FAM168A: variants seen among roughly 807,000 people sequenced by gnomAD.
FAM168A encodes the protein family with sequence similarity 168 member A.
Under a neutral mutation model 28.5 loss-of-function variants are expected in FAM168A, and 3 were observed. That is an observed-to-expected ratio of 0.11 (90% CI 0.05 to 0.27). The LOEUF (loss-of-function observed/expected upper bound fraction) is 0.27, where lower values mean the gene tolerates loss of function less well. Ranked by LOEUF, FAM168A falls within the 10% of genes least tolerant of loss-of-function variation. The pLI, the probability that FAM168A is intolerant of heterozygous loss-of-function variation, is 1.00. For synonymous variants in FAM168A, 122 were observed against 124.2 expected (o/e 0.98, Z 0.12); for missense variants, 222 against 311.5 (o/e 0.71, Z 2.16).
chr11:73,420,055 A>G (rs181487735), intron 3 of FAM168A, 56 bp from the exon 4 acceptor site: 2 of 1,597,908 alleles, frequency 1.3e-6, no homozygotes, highest in African/African-American at 1.3e-5. Context: ...GCCACCACCA[A>G]TCACAGACAC....
intron 1 of FAM168A, among the ~76,000 whole-genome samples, chr11:73,496,666 T>C (rs1854884005): frequency 6.6e-6 from 1 of 152,192 alleles, no homozygotes; most frequent in South Asian, 2.1e-4. Context: ...GTTCACGCCA[T>C]TCTCCTGCCT....
intron 1 of FAM168A, among the ~76,000 whole-genome samples, chr11:73,512,443 T>G (rs941224040): frequency 1.3e-5 from 2 of 152,094 alleles, no homozygotes; most frequent in African/African-American, 4.8e-5. Context: ...GGTACAAAGT[T>G]TATTTTGAGG....
At chr11:73,551,966 T>C (rs1943834727) in intron 1 of FAM168A, among the ~76,000 whole-genome samples, 1 of 152,218 alleles carries the variant, frequency 6.6e-6, no homozygotes, top group Non-Finnish European at 1.5e-5. Context: ...TAGTCTGCCC[T>C]GGAGAGAAAG....
chr11:73,465,672 C>A (rs900369804), intron 2 of FAM168A, among the ~76,000 whole-genome samples: 2 of 108,398 alleles, frequency 1.8e-5, no homozygotes, highest in Non-Finnish European at 3.6e-5. Flanking sequence ...CTCATGACCT[C>A]ATCTAAACCT....
At chr11:73,531,042 T>C (rs1466747993) in intron 1 of FAM168A, among the ~76,000 whole-genome samples, 1 of 152,110 alleles carries the variant, frequency 6.6e-6, no homozygotes, top group African/African-American at 2.4e-5. Flanking sequence ...TACTATCTAG[T>C]AGAGGAGACA....
At chr11:73,589,036 C>T (rs1944349727) in intron 1 of FAM168A, among the ~76,000 whole-genome samples, 1 of 152,176 alleles carries the variant, frequency 6.6e-6, no homozygotes, top group African/African-American at 2.4e-5. Flanking sequence ...TGCTGGAACA[C>T]TGATCTTGGA....
At chr11:73,442,363 T>A (rs1867213000) in intron 2 of FAM168A, among the ~76,000 whole-genome samples, 1 of 152,076 alleles carries the variant, frequency 6.6e-6, no homozygotes, top group Non-Finnish European at 1.5e-5. Context: ...CCTGACCTCA[T>A]GATCCGTCTG....
chr11:73,442,309 G>A (rs1867211700), intron 2 of FAM168A, among the ~76,000 whole-genome samples: 1 of 151,926 alleles, frequency 6.6e-6, no homozygotes, highest in Non-Finnish European at 1.5e-5. Context: ...GTATTTTTTA[G>A]TAGAGATGGG....
At chr11:73,494,450 A>C (rs1466997485) in intron 1 of FAM168A, among the ~76,000 whole-genome samples, 1 of 152,208 alleles carries the variant, frequency 6.6e-6, no homozygotes, top group Non-Finnish European at 1.5e-5. Flanking sequence ...GAACTGTTAC[A>C]TTCCAAGCGG....
chr11:73,576,873 T>C (rs1944183233), intron 1 of FAM168A, among the ~76,000 whole-genome samples: 1 of 150,866 alleles, frequency 6.6e-6, no homozygotes, highest in South Asian at 2.1e-4. Flanking sequence ...GCTCTCACAA[T>C]ACAAAGTATC....
chr11:73,557,305 A>T (rs2134699756), intron 1 of FAM168A, among the ~76,000 whole-genome samples: 1 of 152,274 alleles, frequency 6.6e-6, no homozygotes, highest in South Asian at 2.1e-4. Context: ...CATGGAGACA[A>T]AGTTGAATGG....
intron 1 of FAM168A, among the ~76,000 whole-genome samples, chr11:73,517,054 T>C (rs188263714): frequency 6.6e-6 from 1 of 152,244 alleles, no homozygotes; most frequent in Admixed American, 6.5e-5. Context: ...TAACCAAAAA[T>C]TTGTAGCTGT....
intron 2 of FAM168A, among the ~76,000 whole-genome samples, chr11:73,450,417 G>A (rs1291565179): frequency 6.6e-6 from 1 of 152,208 alleles, no homozygotes; most frequent in African/African-American, 2.4e-5. Context: ...TTCTGATTCT[G>A]TAAGTCTGAA....
chr11:73,544,663 A>T (rs549846379), intron 1 of FAM168A, among the ~76,000 whole-genome samples: 31 of 128,996 alleles, frequency 2.4e-4, no homozygotes, highest in African/African-American at 8.4e-4. Context: ...AATTACATAT[A>T]TTATATATAA....
At chr11:73,583,310 AAAAC>A (rs974816949) in intron 1 of FAM168A, among the ~76,000 whole-genome samples, 2 of 152,290 alleles carry the variant, frequency 1.3e-5, no homozygotes, top group African/African-American at 2.4e-5. Context: ...CTCAAAAACA[AAAAC>A]AAACAAACAA....
chr11:73,429,923 A>G (rs1007657702), intron 3 of FAM168A, among the ~76,000 whole-genome samples: 3 of 152,210 alleles, frequency 2.0e-5, no homozygotes, highest in Non-Finnish European at 4.4e-5. Context: ...AGGTAGTCAC[A>G]TTTGAATCTT....
Position 73,419,955 on chromosome 11 carries a change from A to C in FAM168A, c.196T>G (p.Cys66Gly). ...KQAWPQNSSS[C>G]GTEGTFHLPV... ...AGGTGGAAGGTGCCTTCAGTGCCAC[A>C]GGAAGACGAGTTCTGTGGCCAGGCC... The change falls in exon 4 of 8, where the codon TGT becomes GGT. Residue 66 changes from cysteine to glycine, a missense_variant. Physicochemically the swap from Cys to Gly is radical, Grantham distance 159 (BLOSUM62 -3). Coordinates refer to ENST00000356467, the MANE Select transcript of FAM168A (RefSeq NM_015159.3). 2 of 1,614,000 alleles carry C rather than the reference A, an allele frequency of 1.2e-6. No individual in the cohort carries two copies. The highest frequency in any genetic ancestry group is 2.2e-5 in the South Asian group (2 of 91,074).
chr11:73,469,833 A>ACT, intron 1 of FAM168A, among the ~76,000 whole-genome samples: 1 of 152,236 alleles, frequency 6.6e-6, no homozygotes, highest in Non-Finnish European at 1.5e-5. Flanking sequence ...AGTAACATAC[A>ACT]CTCTCTCTCT....
chr11:73,573,094 A>G (rs946524474), intron 1 of FAM168A, among the ~76,000 whole-genome samples: 2 of 152,216 alleles, frequency 1.3e-5, no homozygotes, highest in Admixed American at 6.5e-5. Flanking sequence ...ATGAAGATAC[A>G]TCAATGTGCT....
Sources: allele counts gnomAD v4.1 joint callset (sites outside exome capture counted in the v4.1 genomes callset), GRCh38; gene constraint gnomAD v4.1.1; transcripts MANE v1.5; gene names NCBI Gene and HGNC (gene_info 2026-07-23, HGNC 2026-07-21).